Variants in CWF19L2 observed in about 807,000 individuals in gnomAD.
CWF19L2 encodes CWF19-like protein 2.
CWF19L2 carries 98 observed loss-of-function variants against 111.7 expected under a neutral mutation model. The observed-to-expected ratio is 0.88, with a 90% confidence interval of 0.75 to 1.04. The LOEUF is 1.04. CWF19L2 is among the 50% of genes least tolerant of loss of function. CWF19L2 has a pLI of 0.00. For synonymous variants in CWF19L2, 351 were observed against 342.9 expected, an observed-to-expected ratio of 1.02 and a Z score of -0.26; for missense variants, 1,101 against 1,051.4, an observed-to-expected ratio of 1.05 and a Z score of -0.65.
chr11:107,450,085 T>TCTCAA (rs1861757252), intron 3 of CWF19L2, among the ~76,000 whole-genome samples: 3 of 149,196 alleles, frequency 2.0e-5, no homozygotes, highest in East Asian at 3.9e-4. Context: ...GGTGACAGTG[T>TCTCAA]GAGACTCCAT....
At chr11:107,405,720 C>G (rs1010547536) in intron 10 of CWF19L2, among the ~76,000 whole-genome samples, 1 of 151,664 alleles carries the variant, frequency 6.6e-6, no homozygotes, top group Admixed American at 6.6e-5. Flanking sequence ...TACTAAGAGG[C>G]AGTTCATAGA....
At chr11:107,429,568 G>T (rs1861434692) in intron 7 of CWF19L2, 117 bp from the exon 8 acceptor site, 2 of 712,654 alleles carry the variant, frequency 2.8e-6, no homozygotes, top group South Asian at 2.1e-5. Flanking sequence ...CCCACTAACG[G>T]GGTGAAAGAA....
At chr11:107,415,900 C>G (rs1375758629) in intron 10 of CWF19L2, among the ~76,000 whole-genome samples, 1 of 151,940 alleles carries the variant, frequency 6.6e-6, no homozygotes, top group Non-Finnish European at 1.5e-5. Context: ...GAGTTTGAGA[C>G]CAGCCTGGCC....
At chr11:107,423,132 T>G (rs1861324712) in intron 8 of CWF19L2, among the ~76,000 whole-genome samples, 1 of 151,992 alleles carries the variant, frequency 6.6e-6, no homozygotes, top group Admixed American at 6.6e-5. Flanking sequence ...TGTACTTTTT[T>G]GTATGGAAAA....
intron 12 of CWF19L2, among the ~76,000 whole-genome samples, chr11:107,386,060 A>G (rs1860760661): frequency 6.6e-6 from 1 of 152,224 alleles, no homozygotes; most frequent in Admixed American, 6.5e-5. Context: ...GAAAAAACAT[A>G]GCATATATAG....
intron 10 of CWF19L2, among the ~76,000 whole-genome samples, chr11:107,393,121 A>T (rs558502882): frequency 6.6e-6 from 1 of 152,260 alleles, no homozygotes; most frequent in South Asian, 2.1e-4. Context: ...TAAAAAAGCA[A>T]TCAAGAGAAG....
chr11:107,346,153 T>A (rs1860076905), intron 14 of CWF19L2, among the ~76,000 whole-genome samples: 1 of 152,162 alleles, frequency 6.6e-6, no homozygotes. Flanking sequence ...AATTTTGACA[T>A]TCAAATTAAA....
chr11:107,360,879 T>C (rs11212182), intron 12 of CWF19L2, among the ~76,000 whole-genome samples: 38,875 of 152,178 alleles, frequency 0.26, 5,394 homozygotes, highest in Non-Finnish European at 0.32. Flanking sequence ...TCTTGGATAT[T>C]AGACCCTTGA....
intron 3 of CWF19L2, among the ~76,000 whole-genome samples, chr11:107,446,649 A>G (rs1861705888): frequency 6.6e-6 from 1 of 152,218 alleles, no homozygotes; most frequent in Non-Finnish European, 1.5e-5. Flanking sequence ...AGGTTTAAAA[A>G]TATATTTTTA....
At chr11:107,405,850 A>AGAAGAAGAAG (rs370288784) in intron 10 of CWF19L2, among the ~76,000 whole-genome samples, 1 of 141,848 alleles carries the variant, frequency 7.0e-6, no homozygotes, top group African/African-American at 2.6e-5. Context: ...AAAAAAAAAA[A>AGAAGAAGAAG]AAGAAGAAGA....
At position 107,390,256 on chromosome 11, in the gene CWF19L2, C is replaced by A; in HGVS notation, c.1735-45G>T. ...ATTAATTTAATGAAAACATGAGTCTCTGAAGTATTTCTTGATGGATTACAT... is the reference window on the plus strand; with the variant it reads ...ATTAATTTAATGAAAACATGAGTCTATGAAGTATTTCTTGATGGATTACAT... On this transcript the variant is annotated intron_variant, in intron 11 of 17. Coordinates refer to ENST00000282251, the MANE Select transcript of CWF19L2 (RefSeq NM_152434.3). 2.1e-6 allele frequency: 3 copies of A among 1,458,520 alleles called. No individual in the cohort carries two copies. The South Asian group carries it at 3.9e-5, about 19-fold the overall frequency. The allele number at this position is 1,458,520 out of a possible 1,614,324, so 90.3% of individuals were successfully genotyped here.
chr11:107,384,437 G>A (rs1437842506), intron 12 of CWF19L2, among the ~76,000 whole-genome samples: 1 of 152,140 alleles, frequency 6.6e-6, no homozygotes, highest in Non-Finnish European at 1.5e-5. Context: ...CAAAGTTTGT[G>A]TATTCTGAAC....
At chr11:107,361,711 C>T (rs1860340829) in intron 12 of CWF19L2, among the ~76,000 whole-genome samples, 1 of 152,054 alleles carries the variant, frequency 6.6e-6, no homozygotes, top group Admixed American at 6.5e-5. Flanking sequence ...AAATATATTC[C>T]TAGGTATTAT....
At chr11:107,455,548 G>T in intron 2 of CWF19L2, 118 bp downstream of exon 2, 1 of 586,556 alleles carries the variant, frequency 1.7e-6, no homozygotes, top group Non-Finnish European at 2.9e-6. Context: ...TGCCAACTAT[G>T]TGATATTCAT....
Position 107,326,875 on chromosome 11 carries a change from GATCTGAAGAAAAATTTTAAA to G in CWF19L2, c.*15_*34del, listed in dbSNP as rs1415180779. 1 of 1,541,648 alleles carries G rather than the reference GATCTGAAGAAAAATTTTAAA, an allele frequency of 6.5e-7. No individual in the cohort carries two copies. The highest frequency in any genetic ancestry group is 8.7e-7 in the Non-Finnish European group (1 of 1,144,516). On this transcript the variant is annotated 3_prime_UTR_variant, in exon 18 of 18. Coordinates refer to ENST00000282251, the MANE Select transcript of CWF19L2 (RefSeq NM_152434.3). ...ATGCAATGGAAATAAAACTGAACGG[GATCTGAAGAAAAATTTTAAA>G]ATGGAAGGTACACCTCAATAGTTTT...
At chr11:107,397,427 G>A (rs1411262771) in intron 10 of CWF19L2, among the ~76,000 whole-genome samples, 1 of 152,040 alleles carries the variant, frequency 6.6e-6, no homozygotes, top group Non-Finnish European at 1.5e-5. Flanking sequence ...GCATGACTCA[G>A]CAGAGGCAGC....
intron 10 of CWF19L2, among the ~76,000 whole-genome samples, chr11:107,396,913 G>T (rs945488558): frequency 6.6e-6 from 1 of 152,144 alleles, no homozygotes; most frequent in African/African-American, 2.4e-5. Context: ...AGAAGTTGAA[G>T]GTCTGTTTGC....
At chr11:107,360,280 AAAAC>A (rs1476941853) in intron 12 of CWF19L2, among the ~76,000 whole-genome samples, 1 of 148,152 alleles carries the variant, frequency 6.7e-6, no homozygotes, top group East Asian at 1.9e-4. Context: ...GTTGCAGCAA[AAAAC>A]AAAAACAAAA....
intron 11 of CWF19L2, 142 bp downstream of exon 11, chr11:107,392,637 T>C (rs1860865118): frequency 1.9e-6 from 1 of 529,898 alleles, no homozygotes; most frequent in South Asian, 2.7e-5. Flanking sequence ...AGAATAAAAG[T>C]AGTAACAACA....
Sources: gnomAD v4.1 joint callset for allele counts (sites outside exome capture counted in the v4.1 genomes callset) on GRCh38, gnomAD v4.1.1 for gene constraint, MANE v1.5 for transcripts, NCBI Gene and HGNC (gene_info 2026-07-23, HGNC 2026-07-21) for gene names.